The following NDUFV2 variants were observed in gnomAD, a reference collection of about 807,000 sequenced individuals.
NDUFV2 encodes the protein NADH:ubiquinone oxidoreductase core subunit V2.
A neutral mutation model predicts 31.6 loss-of-function variants in NDUFV2; 18 were observed. The ratio of observed to expected loss-of-function variants is 0.57; its 90% CI spans 0.39 to 0.84. The LOEUF (loss-of-function observed/expected upper bound fraction) is 0.84. Among genes scored for constraint, NDUFV2 ranks in the 40% least tolerant of loss-of-function variants. The pLI is 0.00. For synonymous variants in NDUFV2, 83 were observed against 99.8 expected (o/e 0.83, Z 1.01); for missense variants, 314 against 303.6 (o/e 1.03, Z -0.26).
In NDUFV2 at chr18:9,102,713, C is replaced by A. The variant is rs372989738; in HGVS notation, c.-31C>A. 5 of 1,572,058 alleles carry A rather than the reference C, an allele frequency of 3.2e-6. No homozygotes were observed. In the South Asian group the frequency reaches 4.7e-5, roughly 15 times the overall value. ...GCGCGCTCGGGATTCTCGCCTGGCG[C>A]GGCTGGGGAAGGTGAACAGTGTGGC... On this transcript the variant is annotated 5_prime_UTR_variant, in exon 1 of 8. Coordinates refer to ENST00000318388, the MANE Select transcript of NDUFV2 (RefSeq NM_021074.5).
At chr18:9,116,735 A>G (rs553870580) in intron 1 of NDUFV2, among the ~76,000 whole-genome samples, 23 of 152,064 alleles carry the variant, frequency 1.5e-4, no homozygotes, top group Non-Finnish European at 3.2e-4. Flanking sequence ...TAAATATACT[A>G]TTGTGTTATA....
Position 9,126,974 on chromosome 18 carries a change from T to C in NDUFV2, c.656+67T>C, listed in dbSNP as rs190370427. 5.8e-5 allele frequency: 73 copies of C among 1,250,100 alleles called. No homozygotes were observed. In the East Asian group the frequency reaches 1.6e-3, roughly 27 times the overall value. The allele number at this position is 1,250,100 out of a possible 1,614,324, so 77.4% of individuals were successfully genotyped here. A position where few individuals can be genotyped will look rare whatever the true frequency, so the allele number is the denominator to read the frequency against. Reference sequence around the variant, plus strand: ...AAATTAATCTTTCAGATAAACTTGATTTAAAAAATTTTATACCTTAAGTTC... The same window carrying C: ...AAATTAATCTTTCAGATAAACTTGACTTAAAAAATTTTATACCTTAAGTTC... On this transcript the variant is annotated intron_variant, in intron 7 of 7. Transcript: ENST00000318388.
intron 6 of NDUFV2, 123 bp downstream of exon 6, chr18:9,125,106 A>G (rs1288600318): frequency 1.9e-6 from 2 of 1,053,662 alleles, no homozygotes; most frequent in Non-Finnish European, 2.7e-6. Context: ...AATGGTTACC[A>G]TAAATATCCA....
At chr18:9,120,577 ATGTCC>A (rs2077927726) in intron 4 of NDUFV2, among the ~76,000 whole-genome samples, 1 of 152,224 alleles carries the variant, frequency 6.6e-6, no homozygotes, top group African/African-American at 2.4e-5. Flanking sequence ...GAGAATAGGA[ATGTCC>A]TCAATTTATC....
At chr18:9,131,112 T>C (rs769109726) in intron 7 of NDUFV2, among the ~76,000 whole-genome samples, 1 of 152,250 alleles carries the variant, frequency 6.6e-6, no homozygotes, top group Non-Finnish European at 1.5e-5. Context: ...ATATACTGAC[T>C]GTATTCTTAC....
At chr18:9,130,019 TGG>T (rs2078026068) in intron 7 of NDUFV2, among the ~76,000 whole-genome samples, 2 of 152,120 alleles carry the variant, frequency 1.3e-5, no homozygotes, top group African/African-American at 4.8e-5. Flanking sequence ...AGGGCAAGTT[TGG>T]GGAAGAAAAG....
intron 1 of NDUFV2, chr18:9,104,959 T>C: frequency 6.4e-7 from 1 of 1,555,846 alleles, no homozygotes. Flanking sequence ...ACAGACAATT[T>C]GTTTCTACAA....
At chr18:9,104,113 A>G in intron 1 of NDUFV2, 2 of 1,608,228 alleles carry the variant, frequency 1.2e-6, no homozygotes, top group East Asian at 2.2e-5. Flanking sequence ...TGAAGGTAAT[A>G]CTAACAGATT....
At chr18:9,119,766 T>C (rs958136280) in intron 4 of NDUFV2, among the ~76,000 whole-genome samples, 176 bp downstream of exon 4, 3 of 152,150 alleles carry the variant, frequency 2.0e-5, no homozygotes, top group East Asian at 1.9e-4. Context: ...CCTTAATGCA[T>C]AGAGGTGATT....
intron 1 of NDUFV2, chr18:9,104,813 C>A: frequency 2.5e-6 from 2 of 791,270 alleles, no homozygotes; most frequent in Non-Finnish European, 3.4e-6. Context: ...TTTTATTACA[C>A]ACGTCATACG....
At chr18:9,124,574 G>A (rs1214678094) in intron 5 of NDUFV2, among the ~76,000 whole-genome samples, 12 of 149,614 alleles carry the variant, frequency 8.0e-5, no homozygotes, top group African/African-American at 2.7e-4. Context: ...TCAGCCTCCC[G>A]AGTAGGTGGC....
At chr18:9,120,225 TC>T (rs2077925153) in intron 4 of NDUFV2, among the ~76,000 whole-genome samples, 1 of 152,214 alleles carries the variant, frequency 6.6e-6, no homozygotes, top group Non-Finnish European at 1.5e-5. Context: ...TTACAGCATA[TC>T]ATTTATAAAG....
chr18:9,116,387 CAG>C (rs1336662458), intron 1 of NDUFV2, among the ~76,000 whole-genome samples: 7 of 152,146 alleles, frequency 4.6e-5, no homozygotes, highest in African/African-American at 1.4e-4. Context: ...TCTTTTCTCT[CAG>C]AATTTAGTTA....
intron 6 of NDUFV2, among the ~76,000 whole-genome samples, chr18:9,125,975 G>A (rs893853599): frequency 1.7e-4 from 26 of 152,276 alleles, no homozygotes; most frequent in African/African-American, 5.1e-4. Flanking sequence ...ACTCTCTGGG[G>A]CTGGCTGGGT....
rs2077920076 is a variant in NDUFV2, at chr18:9,119,605, T to C, written c.300+15T>C. The stretch of plus-strand genomic sequence containing the variant: ...CTATGAACAAGGTACTGGATTCATT[T>C]TTGCCTTAGTTCTAAAAGAGAAGAG... On this transcript the variant is annotated intron_variant, in intron 4 of 7. Coordinates refer to ENST00000318388, the MANE Select transcript of NDUFV2 (RefSeq NM_021074.5). The C allele has an allele frequency of 1.3e-6, 2 of 1,584,542 alleles. No individual in the cohort carries two copies. The highest frequency in any genetic ancestry group is 1.3e-5 in the African/African-American group (1 of 74,306).
chr18:9,124,447 CTTTTTTTTT>C (rs534490648), intron 5 of NDUFV2, among the ~76,000 whole-genome samples: 2 of 113,396 alleles, frequency 1.8e-5, no homozygotes, highest in African/African-American at 6.5e-5. Flanking sequence ...TTTTAAAAAA[CTTTTTTTTT>C]TTTTTTTTTG....
At chr18:9,125,841 C>T (rs2077985468) in intron 6 of NDUFV2, among the ~76,000 whole-genome samples, 2 of 152,138 alleles carry the variant, frequency 1.3e-5, no homozygotes, top group East Asian at 1.9e-4. Context: ...TACCCTAGGC[C>T]TCTGTTCCTC....
At chr18:9,129,620 C>A (rs1473553773) in intron 7 of NDUFV2, among the ~76,000 whole-genome samples, 1 of 152,016 alleles carries the variant, frequency 6.6e-6, no homozygotes, top group Non-Finnish European at 1.5e-5. Flanking sequence ...AACATTTGAG[C>A]CATGACCTGA....
chr18:9,103,130 A>G (rs1328722043), intron 1 of NDUFV2: 5 of 401,474 alleles, frequency 1.2e-5, no homozygotes, highest in African/African-American at 2.1e-5. Context: ...TCAGTTTCGA[A>G]GACCGTCGCT....
Sources: gnomAD v4.1 joint callset for allele counts (sites outside exome capture counted in the v4.1 genomes callset) on GRCh38, gnomAD v4.1.1 for gene constraint, MANE v1.5 for transcripts, NCBI Gene and HGNC (gene_info 2026-07-23, HGNC 2026-07-21) for gene names.